The following ARHGAP42 variants were observed in gnomAD, a reference collection of about 807,000 sequenced individuals.
ARHGAP42 encodes the protein Rho GTPase activating protein 42.
ARHGAP42 carries 63 observed loss-of-function variants against 125.0 expected under a neutral mutation model. The ratio of observed to expected loss-of-function variants is 0.50; its 90% CI spans 0.41 to 0.62. The LOEUF (loss-of-function observed/expected upper bound fraction) is 0.62. Ranked by LOEUF, ARHGAP42 falls within the 20% of genes least tolerant of loss-of-function variation. The pLI, the probability that ARHGAP42 is intolerant of heterozygous loss-of-function variation, is 0.00. For missense variants in ARHGAP42, 766 were observed against 1,024.2 expected (o/e 0.75, Z 3.44); for synonymous variants, 339 against 351.0 (o/e 0.97, Z 0.38).
intron 2 of ARHGAP42, among the ~76,000 whole-genome samples, chr11:100,784,945 A>G (rs949073322): frequency 2.0e-5 from 3 of 152,180 alleles, no homozygotes; most frequent in African/African-American, 7.2e-5. Flanking sequence ...TGTTGTGAGC[A>G]TTGAAGAGCT....
In ARHGAP42 at chr11:100,989,174, T is replaced by A; in HGVS notation, c.*373T>A. On this transcript the variant is annotated 3_prime_UTR_variant, in exon 24 of 24. Transcript: ENST00000298815. ...ATGGATTTTGAGATCTGTCCTTTACTGCCTGGCATTCTCTGAGGATCTCTG... is the reference window on the plus strand; with the variant it reads ...ATGGATTTTGAGATCTGTCCTTTACAGCCTGGCATTCTCTGAGGATCTCTG... 1 of 399,392 alleles carries A rather than the reference T, an allele frequency of 2.5e-6. No individual in the cohort carries two copies. Among genetic ancestry groups the A allele is most frequent in the Non-Finnish European group, 4.4e-6 (1 of 226,500 alleles). The allele number at this position is 399,392 out of a possible 1,614,324, so 24.7% of individuals were successfully genotyped here. A position where few individuals can be genotyped will look rare whatever the true frequency, so the allele number is the denominator to read the frequency against.
chr11:100,814,153 A>G (rs767475318), intron 3 of ARHGAP42, among the ~76,000 whole-genome samples: 1 of 151,996 alleles, frequency 6.6e-6, no homozygotes. Context: ...AGGTCGCACC[A>G]CTGCACTCCA....
Position 100,687,632 on chromosome 11 carries a change from C to T in ARHGAP42, c.-47C>T, listed in dbSNP as rs1861107326. ...CGGCCGCCGGCTGCCCCCGCCCTGA[C>T]CTCCGGCCCGGACGTGTCCGCGGCC... On this transcript the variant is annotated 5_prime_UTR_variant, in exon 1 of 24. Transcript: ENST00000298815. 1.5e-6 allele frequency: 2 copies of T among 1,318,646 alleles called. No homozygotes were observed. Among genetic ancestry groups the T allele is most frequent in the Non-Finnish European group, 2.0e-6 (2 of 1,023,328 alleles). The allele number at this position is 1,318,646 out of a possible 1,614,324, so 81.7% of individuals were successfully genotyped here. A position where few individuals can be genotyped will look rare whatever the true frequency, so the allele number is the denominator to read the frequency against.
intron 1 of ARHGAP42, among the ~76,000 whole-genome samples, chr11:100,703,101 T>C (rs143480643): frequency 2.0e-5 from 3 of 152,300 alleles, no homozygotes; most frequent in Non-Finnish European, 4.4e-5. Context: ...AGCCAGAGAA[T>C]GGGGACTATG....
chr11:100,837,842 A>G (rs1318325170), intron 3 of ARHGAP42, among the ~76,000 whole-genome samples: 1 of 149,680 alleles, frequency 6.7e-6, no homozygotes, highest in Non-Finnish European at 1.5e-5. Context: ...CTTGGATTTA[A>G]TTAGTTGTGG....
intron 1 of ARHGAP42, among the ~76,000 whole-genome samples, chr11:100,712,883 C>CT (rs1374546611): frequency 3.9e-5 from 6 of 152,160 alleles, no homozygotes; most frequent in Non-Finnish European, 5.9e-5. Context: ...CTCTACCTGC[C>CT]TTCCTACCTC....
chr11:100,959,657 T>C (rs553821245), intron 12 of ARHGAP42, among the ~76,000 whole-genome samples: 2 of 152,274 alleles, frequency 1.3e-5, no homozygotes, highest in South Asian at 4.1e-4. Flanking sequence ...CATTGTAATA[T>C]ACTTTCTGTG....
At chr11:100,821,800 T>C (rs1361575969) in intron 3 of ARHGAP42, among the ~76,000 whole-genome samples, 2 of 152,180 alleles carry the variant, frequency 1.3e-5, no homozygotes, top group African/African-American at 2.4e-5. Flanking sequence ...TACTTTATTA[T>C]GACAACTGAA....
chr11:100,829,562 C>A (rs1864615277), intron 3 of ARHGAP42, among the ~76,000 whole-genome samples: 1 of 152,140 alleles, frequency 6.6e-6, no homozygotes, highest in Non-Finnish European at 1.5e-5. Flanking sequence ...ACAGACAGCT[C>A]CTCCTCAGTG....
chr11:100,958,487 A>G (rs1857866204), intron 12 of ARHGAP42, among the ~76,000 whole-genome samples: 1 of 151,662 alleles, frequency 6.6e-6, no homozygotes, highest in South Asian at 2.1e-4. Flanking sequence ...TTATTTCTAG[A>G]GTTTTGAAGT....
chr11:100,790,401 C>T (rs958623532), intron 2 of ARHGAP42, among the ~76,000 whole-genome samples: 2 of 151,632 alleles, frequency 1.3e-5, no homozygotes, highest in Admixed American at 1.3e-4. Flanking sequence ...TAAAAGGAAA[C>T]CAATGGTAAT....
At position 100,825,855 on chromosome 11, in the gene ARHGAP42, G is replaced by A. The variant is rs111250806; in HGVS notation, c.312+30689G>A. 3.7e-3 allele frequency among the ~76,000 whole-genome samples: 566 copies of A among 152,274 alleles called. 1 individual carries two copies. Among genetic ancestry groups the A allele is most frequent in the Non-Finnish European group, 6.3e-3 (431 of 68,014 alleles). Reference sequence around the variant, plus strand: ...AGCTGTTTTTGAAATGTAGTCTTTTGTGTTTATTTATTTGCTTGGAAATGC... The same window carrying A: ...AGCTGTTTTTGAAATGTAGTCTTTTATGTTTATTTATTTGCTTGGAAATGC... On this transcript the variant is annotated intron_variant, in intron 3 of 23. Coordinates refer to ENST00000298815, the MANE Select transcript of ARHGAP42 (RefSeq NM_152432.4).
chr11:100,941,351 G>C lies in ARHGAP42; in HGVS notation c.833-433G>C, dbSNP rs536070443. Among the ~76,000 whole-genome samples, 22 of 152,230 alleles carry C rather than the reference G, an allele frequency of 1.4e-4. No individual in the cohort carries two copies. The South Asian group carries it at 4.6e-3, about 32-fold the overall frequency. On this transcript the variant is annotated intron_variant, in intron 8 of 23. Transcript: ENST00000298815. ...GGGTAAGATGGGAAGGCACTAGAGG[G>C]TTCTGAACAAAGGAGTGAAATGGCC...
chr11:100,954,656 C>A (rs1357446346), intron 12 of ARHGAP42, among the ~76,000 whole-genome samples: 1 of 152,088 alleles, frequency 6.6e-6, no homozygotes, highest in Non-Finnish European at 1.5e-5. Flanking sequence ...TCCTTCTTTG[C>A]CATATAATCC....
chr11:100,759,779 G>A (rs1862660642), intron 1 of ARHGAP42, among the ~76,000 whole-genome samples: 1 of 152,052 alleles, frequency 6.6e-6, no homozygotes, highest in East Asian at 1.9e-4. Context: ...TATGAAATAG[G>A]CTTTACCTCA....
intron 5 of ARHGAP42, among the ~76,000 whole-genome samples, chr11:100,914,550 C>T (rs1308413357): frequency 2.6e-5 from 4 of 151,982 alleles, no homozygotes; most frequent in African/African-American, 9.7e-5. Context: ...TGTGAAGCAG[C>T]GCTCATCTCT....
intron 8 of ARHGAP42, among the ~76,000 whole-genome samples, chr11:100,938,125 C>T (rs1251839132): frequency 6.6e-6 from 1 of 151,668 alleles, no homozygotes; most frequent in African/African-American, 2.4e-5. Flanking sequence ...GGCAATCCAT[C>T]CTTAGTACCA....
chr11:100,844,368 C>T (rs1055875405), intron 3 of ARHGAP42, among the ~76,000 whole-genome samples: 2 of 151,824 alleles, frequency 1.3e-5, no homozygotes, highest in African/African-American at 4.8e-5. Context: ...TGTAAGAATC[C>T]TTTTAGAGAT....
chr11:100,884,305 G>T (rs1035394291), intron 4 of ARHGAP42, among the ~76,000 whole-genome samples: 4 of 151,974 alleles, frequency 2.6e-5, no homozygotes, highest in African/African-American at 9.7e-5. Context: ...AAGTATTTTT[G>T]TTGTTGTTGT....
Sources: gnomAD v4.1 joint callset for allele counts (sites outside exome capture counted in the v4.1 genomes callset) on GRCh38, gnomAD v4.1.1 for gene constraint, MANE v1.5 for transcripts, NCBI Gene and HGNC (gene_info 2026-07-23, HGNC 2026-07-21) for gene names.